Variants in AK9 observed in about 807,000 individuals in gnomAD.
AK9 encodes the protein adenylate kinase 9.
A neutral mutation model predicts 239.6 loss-of-function variants in AK9; 191 were observed. The observed-to-expected ratio is 0.80, with a 90% confidence interval of 0.71 to 0.90. The LOEUF (loss-of-function observed/expected upper bound fraction) is 0.90, where lower values mean the gene tolerates loss of function less well. Ranked by LOEUF, AK9 falls within the 40% of genes least tolerant of loss-of-function variation. The pLI is 0.00. For synonymous variants in AK9, 689 were observed against 721.0 expected (o/e 0.96, Z 0.71); for missense variants, 1,995 against 2,214.7 (o/e 0.90, Z 1.99).
At chr6:109,597,672 C>CA (rs1479672294) in intron 17 of AK9, among the ~76,000 whole-genome samples, 312 of 76,826 alleles carry the variant, frequency 4.1e-3, no homozygotes, top group East Asian at 0.014. Flanking sequence ...GACACCGTCT[C>CA]AAAAAAAATT....
At chr6:109,634,655 G>A (rs1029573527) in intron 10 of AK9, among the ~76,000 whole-genome samples, 8 of 152,202 alleles carry the variant, frequency 5.3e-5, no homozygotes, top group Non-Finnish European at 1.0e-4. Context: ...AGAGCTGGAA[G>A]TGATAGTAAA....
At position 109,531,719 on chromosome 6, in the gene AK9, G is replaced by A. The variant is rs187109948; in HGVS notation, c.3570+1532C>T. ...CCACAGTGAGACAACATATGAATGT[G>A]CTTTGGTAGGCTCTCATCTTTGGCT... On this transcript the variant is annotated intron_variant, in intron 28 of 40. Coordinates refer to ENST00000424296, the MANE Select transcript of AK9 (RefSeq NM_001145128.3). 2.0e-3 allele frequency among the ~76,000 whole-genome samples: 303 copies of A among 152,246 alleles called. 1 individual carries two copies. The highest frequency in any genetic ancestry group is 6.9e-3 in the African/African-American group (287 of 41,544).
chr6:109,514,337 G>A lies in AK9; in HGVS notation c.4166C>T (p.Thr1389Ile). 3.2e-6 allele frequency: 5 copies of A among 1,550,872 alleles called. No individual in the cohort carries two copies. Among genetic ancestry groups the A allele is most frequent in the South Asian group, 1.2e-5 (1 of 83,980 alleles). ...TGGGTTCTTCATAAATTTTTCTTTT[G>A]TTTCTTTACTAGATAAAAAATAAAT... ...QYIYFLSSKE[T>I]KEKFMKNPIK... The change falls in exon 32 of 41, where the codon ACA becomes ATA. Residue 1389 changes from threonine (T) to isoleucine (I), a missense_variant. Physicochemically the swap from Thr to Ile is moderately conservative, Grantham distance 89 (BLOSUM62 -1). Coordinates refer to ENST00000424296, the MANE Select transcript of AK9 (RefSeq NM_001145128.3).
chr6:109,649,127 C>T (rs7745406), intron 8 of AK9, among the ~76,000 whole-genome samples: 88,562 of 151,966 alleles, frequency 0.58, 27,489 homozygotes, highest in East Asian at 0.84. Flanking sequence ...AAACCCACAG[C>T]GAATATCATA....
chr6:109,569,510 A>C (rs1787092937), intron 21 of AK9, among the ~76,000 whole-genome samples: 1 of 152,206 alleles, frequency 6.6e-6, no homozygotes, highest in African/African-American at 2.4e-5. Context: ...GAATGGGAGA[A>C]AATTTTTGCA....
At chr6:109,607,343 A>G (rs1583230844) in intron 17 of AK9, among the ~76,000 whole-genome samples, 1 of 152,300 alleles carries the variant, frequency 6.6e-6, no homozygotes, top group Non-Finnish European at 1.5e-5. Flanking sequence ...TGTGCATTCA[A>G]CCAACCATGG....
At chr6:109,545,610 G>C (rs1307580278) in intron 26 of AK9, among the ~76,000 whole-genome samples, 1 of 152,086 alleles carries the variant, frequency 6.6e-6, no homozygotes, top group African/African-American at 2.4e-5. Context: ...CAGCCACATG[G>C]AACTAATTGT....
intron 12 of AK9, among the ~76,000 whole-genome samples, chr6:109,630,513 A>G (rs1440329776): frequency 6.6e-6 from 1 of 152,226 alleles, no homozygotes; most frequent in Admixed American, 6.5e-5. Context: ...AATTAAGTCA[A>G]TGTAGTATTG....
At chr6:109,497,425 C>T (rs1217419924) in intron 38 of AK9, 40 bp downstream of exon 38, 2 of 1,356,724 alleles carry the variant, frequency 1.5e-6, no homozygotes, top group South Asian at 1.2e-5. Context: ...TTGCATGCAA[C>T]ACAGATTTTC....
At chr6:109,543,281 G>A (rs537634722) in intron 26 of AK9, among the ~76,000 whole-genome samples, 8 of 152,002 alleles carry the variant, frequency 5.3e-5, no homozygotes, top group Non-Finnish European at 1.0e-4. Context: ...GCTGCTTACC[G>A]GGAAGCAGGA....
chr6:109,585,126 G>C lies in AK9; in HGVS notation c.2111C>G (p.Ala704Gly), dbSNP rs1562449560. The C allele has an allele frequency of 8.8e-7, 1 of 1,130,142 alleles. No individual in the cohort carries two copies. The highest frequency in any genetic ancestry group is 1.1e-6 in the Non-Finnish European group (1 of 888,482). The allele number at this position is 1,130,142 out of a possible 1,614,324, so 70.0% of individuals were successfully genotyped here. The change falls in exon 19 of 41, where the codon GCA (alanine) becomes GGA (glycine). Residue 704 changes from alanine to glycine, a missense_variant. Ala to Gly is a moderately conservative substitution (Grantham distance 60). Transcript: ENST00000424296. ...TATCATTCTAGGCAGATTTTACCTTGCTTCTTCTTCTTCTTTTTTTTTCTT... is the reference window on the plus strand; with the variant it reads ...TATCATTCTAGGCAGATTTTACCTTCCTTCTTCTTCTTCTTTTTTTTTCTT... ...LQKKKKEEEE[A>G]RKATEEELRL...
intron 29 of AK9, among the ~76,000 whole-genome samples, chr6:109,524,354 G>A (rs1363471142): frequency 6.6e-6 from 1 of 152,094 alleles, no homozygotes; most frequent in Non-Finnish European, 1.5e-5. Context: ...TGTATAACTG[G>A]GGTACTATAA....
chr6:109,560,557 A>T (rs1014791593), intron 24 of AK9, among the ~76,000 whole-genome samples: 1 of 152,148 alleles, frequency 6.6e-6, no homozygotes, highest in Admixed American at 6.6e-5. Context: ...TAATATGATG[A>T]ATTACATTGA....
chr6:109,618,256 T>C (rs1215609571), intron 13 of AK9, among the ~76,000 whole-genome samples: 1 of 151,976 alleles, frequency 6.6e-6, no homozygotes, highest in Admixed American at 6.6e-5. Context: ...ATAGGAAATG[T>C]TGCATTAAGG....
intron 32 of AK9, among the ~76,000 whole-genome samples, chr6:109,511,650 G>A (rs1778761692): frequency 1.3e-5 from 2 of 152,232 alleles, no homozygotes; most frequent in Admixed American, 6.5e-5. Context: ...AGGATACTCA[G>A]AACCCTACTC....
At position 109,549,657 on chromosome 6, in the gene AK9, A is replaced by ATTTTTTTTTTTTTTTTTTTT. The variant is rs1491473032; in HGVS notation, c.2964+432_2964+433insAAAAAAAAAAAAAAAAAAAA. 4.9e-5 allele frequency: 6 copies of ATTTTTTTTTTTTTTTTTTTT among 122,352 alleles called. 2 individuals carry two copies. The highest frequency in any genetic ancestry group is 7.0e-5 in the Non-Finnish European group (4 of 57,390). 7.6% of individuals were successfully genotyped at this position (122,352 alleles called of 1,614,324 possible). On this transcript the variant is annotated intron_variant, in intron 25 of 40. Coordinates refer to ENST00000424296, the MANE Select transcript of AK9 (RefSeq NM_001145128.3). ...CCAAAAAGTTGTTCTTTGAACTTAGATATTTTCTTTTTTTTTTTTTTTTTT... is the reference window on the plus strand; with the variant it reads ...CCAAAAAGTTGTTCTTTGAACTTAGATTTTTTTTTTTTTTTTTTTTTATTTTCTTTTTTTTTTTTTTTTTT...
intron 29 of AK9, 58 bp downstream of exon 29, chr6:109,528,953 C>T (rs748141287): frequency 3.8e-6 from 6 of 1,585,742 alleles, no homozygotes; most frequent in Non-Finnish European, 5.1e-6. Context: ...TGCCACTGTA[C>T]CCTGCCCTGG....
At chr6:109,684,460 C>A (rs1382933991) in intron 1 of AK9, among the ~76,000 whole-genome samples, 2 of 152,076 alleles carry the variant, frequency 1.3e-5, no homozygotes, top group Non-Finnish European at 2.9e-5. Flanking sequence ...AGTGAACAGG[C>A]AACCTACAGA....
chr6:109,550,064 T>C (rs375282520), intron 25 of AK9, 26 bp downstream of exon 25: 3 of 1,602,698 alleles, frequency 1.9e-6, no homozygotes, highest in Non-Finnish European at 2.6e-6. Context: ...GTGGGAGCAA[T>C]CATTAAGATA....
Sources: gnomAD v4.1 joint callset for allele counts (sites outside exome capture counted in the v4.1 genomes callset) on GRCh38, gnomAD v4.1.1 for gene constraint, MANE v1.5 for transcripts, NCBI Gene and HGNC (gene_info 2026-07-23, HGNC 2026-07-21) for gene names.